Variants in IMMP2L observed in about 807,000 individuals in gnomAD.
The protein encoded by IMMP2L is inner mitochondrial membrane peptidase subunit 2.
Under a neutral mutation model 19.3 loss-of-function variants are expected in IMMP2L, and 18 were observed. That is an observed-to-expected ratio of 0.93 (90% CI 0.64 to 1.38). The LOEUF (loss-of-function observed/expected upper bound fraction) is 1.38. Among genes scored for constraint, IMMP2L ranks in the 40% most tolerant of loss-of-function variants. IMMP2L has a pLI of 0.00. For missense variants in IMMP2L, 233 were observed against 218.2 expected (o/e 1.07, Z -0.43); for synonymous variants, 76 against 73.0 (o/e 1.04, Z -0.21).
At chr7:110,782,116 C>T (rs1799784372) in intron 5 of IMMP2L, among the ~76,000 whole-genome samples, 1 of 151,884 alleles carries the variant, frequency 6.6e-6, no homozygotes, top group Non-Finnish European at 1.5e-5. Context: ...GCAGGAAGAT[C>T]TGGCCTCCTC....
chr7:111,197,974 T>C (rs905215659), intron 3 of IMMP2L, among the ~76,000 whole-genome samples: 1 of 152,090 alleles, frequency 6.6e-6, no homozygotes, highest in African/African-American at 2.4e-5. Context: ...ATTGACTAAA[T>C]ATAATTTAGA....
chr7:110,858,240 T>G (rs1467461507), intron 5 of IMMP2L, among the ~76,000 whole-genome samples: 1 of 152,142 alleles, frequency 6.6e-6, no homozygotes, highest in Non-Finnish European at 1.5e-5. Flanking sequence ...AAAGTCATCA[T>G]CCATATCCAT....
At chr7:111,510,563 C>A (rs566353864) in intron 2 of IMMP2L, among the ~76,000 whole-genome samples, 1 of 152,186 alleles carries the variant, frequency 6.6e-6, no homozygotes, top group East Asian at 1.9e-4. Flanking sequence ...CTTTCATATA[C>A]AAACTAACCA....
At chr7:110,778,084 A>G (rs1345233152) in intron 5 of IMMP2L, among the ~76,000 whole-genome samples, 1 of 152,002 alleles carries the variant, frequency 6.6e-6, no homozygotes, top group African/African-American at 2.4e-5. Flanking sequence ...TGGCTTCTAG[A>G]GCCACCAAAT....
intron 3 of IMMP2L, among the ~76,000 whole-genome samples, chr7:111,026,674 C>T (rs143560489): frequency 8.5e-5 from 13 of 152,210 alleles, no homozygotes; most frequent in Middle Eastern, 6.8e-3. Context: ...AACAAGCACT[C>T]ATTCAAGTAA....
chr7:111,550,759 TAC>T (rs1173112790), intron 1 of IMMP2L, among the ~76,000 whole-genome samples: 1 of 152,156 alleles, frequency 6.6e-6, no homozygotes, highest in African/African-American at 2.4e-5. Context: ...AGCTCTTATT[TAC>T]ACACACATTG....
chr7:111,242,669 G>A (rs1303843343), intron 3 of IMMP2L, among the ~76,000 whole-genome samples: 2 of 151,726 alleles, frequency 1.3e-5, no homozygotes, highest in East Asian at 1.9e-4. Context: ...TGAAGGCCTC[G>A]TGCATCACTG....
intron 5 of IMMP2L, among the ~76,000 whole-genome samples, chr7:110,684,475 G>GCC (rs1382940971): frequency 6.6e-6 from 1 of 151,888 alleles, no homozygotes; most frequent in East Asian, 1.9e-4. Context: ...ATAGTTCAGT[G>GCC]CTAGCTCTAA....
intron 5 of IMMP2L, among the ~76,000 whole-genome samples, chr7:110,775,689 GTT>G (rs1799337280): frequency 6.6e-6 from 1 of 151,912 alleles, no homozygotes; most frequent in Admixed American, 6.6e-5. Context: ...ATAAAAATAT[GTT>G]TTGTTTTTGC....
intron 3 of IMMP2L, among the ~76,000 whole-genome samples, chr7:111,454,841 G>T (rs527644757): frequency 2.0e-5 from 3 of 152,076 alleles, no homozygotes; most frequent in African/African-American, 4.8e-5. Flanking sequence ...CAGCTAGATG[G>T]AATGATGAAT....
In IMMP2L at chr7:110,975,183, G is replaced by C. The variant is rs913647542; in HGVS notation, c.240-11618C>G. On this transcript the variant is annotated intron_variant, in intron 3 of 5. Transcript: ENST00000405709. ...TATAACATGAGTTTAAAAAATAAAAGGAAAAGAAAGGAAAGTCAAAATTAT... is the reference window on the plus strand; with the variant it reads ...TATAACATGAGTTTAAAAAATAAAACGAAAAGAAAGGAAAGTCAAAATTAT... 6.6e-5 allele frequency among the ~76,000 whole-genome samples: 10 copies of C among 151,986 alleles called. No homozygotes were observed. The South Asian group carries it at 2.1e-3, about 32-fold the overall frequency.
intron 3 of IMMP2L, among the ~76,000 whole-genome samples, chr7:111,382,663 C>A (rs540336879): frequency 2.0e-5 from 3 of 151,850 alleles, no homozygotes; most frequent in Admixed American, 6.6e-5. Flanking sequence ...ATTAAAGGGG[C>A]AAGAAATGGA....
intron 3 of IMMP2L, among the ~76,000 whole-genome samples, chr7:111,419,298 T>C (rs1055032553): frequency 1.3e-5 from 2 of 151,802 alleles, no homozygotes; most frequent in African/African-American, 4.9e-5. Context: ...TGTAGCTCTG[T>C]TTCTCTGATT....
At chr7:111,069,301 A>G (rs575431824) in intron 3 of IMMP2L, among the ~76,000 whole-genome samples, 6 of 152,146 alleles carry the variant, frequency 3.9e-5, no homozygotes, top group Non-Finnish European at 7.4e-5. Flanking sequence ...TGCAGTAGAA[A>G]TGTTGTTTAT....
chr7:111,423,293 C>T (rs887130540), intron 3 of IMMP2L, among the ~76,000 whole-genome samples: 1 of 151,824 alleles, frequency 6.6e-6, no homozygotes, highest in Non-Finnish European at 1.5e-5. Flanking sequence ...AGGAATGGTA[C>T]CAGCTAATCT....
chr7:111,476,446 T>C (rs1249920390), intron 3 of IMMP2L, among the ~76,000 whole-genome samples: 3 of 152,182 alleles, frequency 2.0e-5, no homozygotes, highest in African/African-American at 7.2e-5. Context: ...TGATTTTCTA[T>C]TGGCACTGTA....
intron 5 of IMMP2L, among the ~76,000 whole-genome samples, chr7:110,819,399 A>G (rs1802830511): frequency 6.6e-6 from 1 of 152,072 alleles, no homozygotes; most frequent in Non-Finnish European, 1.5e-5. Context: ...TGTGATGCAT[A>G]TATTTTGGCT....
intron 3 of IMMP2L, among the ~76,000 whole-genome samples, chr7:111,165,373 C>T (rs1309577198): frequency 6.6e-6 from 1 of 151,984 alleles, no homozygotes; most frequent in Non-Finnish European, 1.5e-5. Context: ...GAATAACATG[C>T]TATAAATGTG....
chr7:110,835,207 G>C (rs1804332543), intron 5 of IMMP2L, among the ~76,000 whole-genome samples: 1 of 152,102 alleles, frequency 6.6e-6, no homozygotes, highest in Non-Finnish European at 1.5e-5. Context: ...TGCTGCAAAA[G>C]GATCAAAAGA....
Sources: gnomAD v4.1 joint callset for allele counts (sites outside exome capture counted in the v4.1 genomes callset) on GRCh38, gnomAD v4.1.1 for gene constraint, MANE v1.5 for transcripts, NCBI Gene and HGNC (gene_info 2026-07-23, HGNC 2026-07-21) for gene names.